EPHA5: variants seen among roughly 807,000 people sequenced by gnomAD.
The protein encoded by EPHA5 is EPH receptor A5.
EPHA5 carries 60 observed loss-of-function variants against 105.0 expected under a neutral mutation model. The ratio of observed to expected loss-of-function variants is 0.57; its 90% CI spans 0.46 to 0.71. The LOEUF is 0.71. Ranked by LOEUF, EPHA5 falls within the 30% of genes least tolerant of loss-of-function variation. The pLI, the probability that EPHA5 is intolerant of heterozygous loss-of-function variation, is 0.00. For missense variants in EPHA5, 1,218 were observed against 1,274.7 expected, an observed-to-expected ratio of 0.96 and a Z score of 0.68; for synonymous variants, 513 against 449.1, an observed-to-expected ratio of 1.14 and a Z score of -1.80.
chr4:65,524,552 T>C (rs1735052919), intron 3 of EPHA5, among the ~76,000 whole-genome samples: 1 of 151,736 alleles, frequency 6.6e-6, no homozygotes, highest in African/African-American at 2.4e-5. Flanking sequence ...ACATCCCTGT[T>C]TAGAAACAGA....
chr4:65,508,326 T>G (rs1182203315), intron 3 of EPHA5, among the ~76,000 whole-genome samples: 1 of 152,044 alleles, frequency 6.6e-6, no homozygotes, highest in African/African-American at 2.4e-5. Context: ...AATCATTGAG[T>G]GAGTATGTTG....
intron 3 of EPHA5, among the ~76,000 whole-genome samples, chr4:65,583,513 C>G (rs576005567): frequency 6.6e-6 from 1 of 151,628 alleles, no homozygotes; most frequent in African/African-American, 2.4e-5. Context: ...TTAAACATGA[C>G]AATAGTTTAT....
At chr4:65,555,019 GT>G (rs1215119854) in intron 3 of EPHA5, among the ~76,000 whole-genome samples, 20 of 114,414 alleles carry the variant, frequency 1.7e-4, no homozygotes, top group Admixed American at 1.7e-3. Context: ...AAAAGTACAT[GT>G]TTTTGTCAGT....
At chr4:65,443,296 T>G (rs1578129068) in intron 5 of EPHA5, among the ~76,000 whole-genome samples, 1 of 151,894 alleles carries the variant, frequency 6.6e-6, no homozygotes, top group East Asian at 1.9e-4. Context: ...TTTTCTAATA[T>G]GTTGGTGAAT....
intron 2 of EPHA5, among the ~76,000 whole-genome samples, chr4:65,618,019 T>G (rs1312858257): frequency 2.6e-5 from 4 of 152,118 alleles, no homozygotes; most frequent in African/African-American, 9.7e-5. Context: ...ATTTTTCTTC[T>G]CCTCATATAA....
chr4:65,553,830 C>T (rs1274548918), intron 3 of EPHA5, among the ~76,000 whole-genome samples: 3 of 151,924 alleles, frequency 2.0e-5, no homozygotes, highest in Non-Finnish European at 4.4e-5. Context: ...ATTTAAATAA[C>T]TTATTTTTCC....
intron 3 of EPHA5, among the ~76,000 whole-genome samples, chr4:65,592,318 G>T (rs1369079971): frequency 6.6e-6 from 1 of 152,126 alleles, no homozygotes; most frequent in African/African-American, 2.4e-5. Context: ...AGTGGTGAGT[G>T]CCAGAGCATA....
At chr4:65,387,932 G>A (rs1461536806) in intron 8 of EPHA5, among the ~76,000 whole-genome samples, 1 of 139,612 alleles carries the variant, frequency 7.2e-6, no homozygotes, top group Non-Finnish European at 1.5e-5. Flanking sequence ...TTGTCATTTA[G>A]CATTAGGTAT....
At chr4:65,460,980 T>C (rs1029167760) in intron 5 of EPHA5, among the ~76,000 whole-genome samples, 3 of 151,912 alleles carry the variant, frequency 2.0e-5, no homozygotes, top group African/African-American at 7.2e-5. Flanking sequence ...ATGGATTGTA[T>C]GTGTGATAAA....
chr4:65,348,325 G>A (rs2290254), intron 13 of EPHA5, 122 bp from the exon 14 acceptor site: 466,780 of 828,696 alleles, frequency 0.56, 134,578 homozygotes, highest in East Asian at 0.81. Flanking sequence ...GTTTGACAGC[G>A]CGCAGTGTCT....
rs1374688090 is a variant in EPHA5, at chr4:65,341,493, CATAA to C, written c.2596-5372_2596-5369del. Among the ~76,000 whole-genome samples, 8 of 151,504 alleles carry C rather than the reference CATAA, an allele frequency of 5.3e-5. No homozygotes were observed. The East Asian group carries it at 1.5e-3, about 29-fold the overall frequency. ...CCCATAGAATCATATTTATTTGCATCATAAATAAATATACATATGAATGCCACCC... is the reference window on the plus strand; with the variant it reads ...CCCATAGAATCATATTTATTTGCATCATAAATATACATATGAATGCCACCC... On this transcript the variant is annotated intron_variant, in intron 14 of 16. Transcript: ENST00000613740.
intron 5 of EPHA5, among the ~76,000 whole-genome samples, chr4:65,476,421 T>G (rs10011442): frequency 6.6e-6 from 1 of 151,916 alleles, no homozygotes; most frequent in African/African-American, 2.4e-5. Context: ...AACAAAATCA[T>G]GTCTTTTGCA....
intron 2 of EPHA5, among the ~76,000 whole-genome samples, chr4:65,607,709 T>C (rs1744371849): frequency 6.6e-6 from 1 of 152,132 alleles, no homozygotes; most frequent in South Asian, 2.1e-4. Context: ...TGTGGAGAAA[T>C]AGGAACACTT....
At chr4:65,437,458 C>A (rs1405177603) in intron 5 of EPHA5, among the ~76,000 whole-genome samples, 1 of 151,992 alleles carries the variant, frequency 6.6e-6, no homozygotes, top group African/African-American at 2.4e-5. Context: ...GAATACTTCA[C>A]AAATAGTAAT....
At chr4:65,371,435 A>G (rs1348951042) in intron 8 of EPHA5, among the ~76,000 whole-genome samples, 2 of 152,146 alleles carry the variant, frequency 1.3e-5, no homozygotes, top group Non-Finnish European at 2.9e-5. Context: ...GGATTTGGAT[A>G]ATACATTTCT....
chr4:65,482,129 C>A (rs1219658153), intron 5 of EPHA5, among the ~76,000 whole-genome samples: 1 of 151,918 alleles, frequency 6.6e-6, no homozygotes, highest in African/African-American at 2.4e-5. Flanking sequence ...GAAATCATGT[C>A]TCTATTAAAA....
chr4:65,366,264 A>G (rs73822122), intron 9 of EPHA5, among the ~76,000 whole-genome samples: 1,937 of 151,926 alleles, frequency 0.013, 41 homozygotes, highest in African/African-American at 0.044. Context: ...CAAGAAATGC[A>G]TATGTGATGA....
At chr4:65,448,161 C>G (rs910501604) in intron 5 of EPHA5, among the ~76,000 whole-genome samples, 2 of 150,634 alleles carry the variant, frequency 1.3e-5, no homozygotes, top group African/African-American at 4.9e-5. Flanking sequence ...CTGTGATTTA[C>G]ACTGATAACA....
rs142674051 is a variant in EPHA5 at position 65,486,511 on chromosome 4, G to A, written c.1402+3866C>T. Among the ~76,000 whole-genome samples, 227 of 152,138 alleles carry A rather than the reference G, an allele frequency of 1.5e-3. 3 individuals are homozygous for A. Among genetic ancestry groups the A allele is most frequent in the African/African-American group, 5.2e-3 (214 of 41,496 alleles). On this transcript the variant is annotated intron_variant, in intron 5 of 16. Coordinates refer to ENST00000613740, the MANE Select transcript of EPHA5 (RefSeq NM_001281766.3). The stretch of plus-strand genomic sequence containing the variant: ...CAGAAAATATCAACACAACTGTTGA[G>A]GCTAATTATAAATTTGAAATCAATT...
Sources: gnomAD v4.1 joint callset for allele counts (sites outside exome capture counted in the v4.1 genomes callset) on GRCh38, gnomAD v4.1.1 for gene constraint, MANE v1.5 for transcripts, NCBI Gene and HGNC (gene_info 2026-07-23, HGNC 2026-07-21) for gene names.